The following SSB variants were observed in gnomAD, a reference collection of about 807,000 sequenced individuals.
SSB encodes the protein lupus La protein.
In SSB, 17 loss-of-function variants were observed where a neutral mutation model predicts 52.9. That is an observed-to-expected ratio of 0.32 (90% CI 0.22 to 0.48). The LOEUF (loss-of-function observed/expected upper bound fraction) is 0.48, where lower values mean the gene tolerates loss of function less well. SSB is among the 20% of genes least tolerant of loss of function. SSB has a pLI of 0.99. For synonymous variants in SSB, 111 were observed against 152.1 expected, an observed-to-expected ratio of 0.73 and a Z score of 1.99; for missense variants, 314 against 463.6, an observed-to-expected ratio of 0.68 and a Z score of 2.96.
chr2:169,804,825 T>G (rs200585349), intron 2 of SSB, among the ~76,000 whole-genome samples: 3 of 145,952 alleles, frequency 2.1e-5, no homozygotes, highest in East Asian at 2.0e-4. Context: ...CCTGGCCCCG[T>G]CCCTTATTTT....
chr2:169,809,046 T>C (rs759825119), intron 8 of SSB, 144 bp downstream of exon 8: 40 of 724,580 alleles, frequency 5.5e-5, no homozygotes, highest in Admixed American at 2.3e-4. Flanking sequence ...AGGTATTATA[T>C]TGAGGGAAAA....
Position 169,812,001 on chromosome 2 carries a change from T to A in SSB, c.*245T>A. ...AGATTCTTCCATTAAATTGCCTTTGTAATATGAGAATGTATTAGTACAAAC... is the reference window on the plus strand; with the variant it reads ...AGATTCTTCCATTAAATTGCCTTTGAAATATGAGAATGTATTAGTACAAAC... On this transcript the variant is annotated 3_prime_UTR_variant, in exon 12 of 12. Transcript: ENST00000260956. 1 of 927,818 alleles carries A rather than the reference T, an allele frequency of 1.1e-6. No individual in the cohort carries two copies. Among genetic ancestry groups the A allele is most frequent in the Non-Finnish European group, 1.6e-6 (1 of 615,118 alleles). The allele number at this position is 927,818 out of a possible 1,614,324, so 57.5% of individuals were successfully genotyped here. A position where few individuals can be genotyped will look rare whatever the true frequency, so the allele number is the denominator to read the frequency against.
At chr2:169,807,636 A>G (rs1021058562) in intron 6 of SSB, among the ~76,000 whole-genome samples, 3 of 151,758 alleles carry the variant, frequency 2.0e-5, no homozygotes, top group Non-Finnish European at 4.4e-5. Flanking sequence ...CTGATTTTGC[A>G]TCTAAAACTT....
In SSB at chr2:169,809,788, AT is replaced by A. The variant is rs576115872; in HGVS notation, c.670-486del. Among the ~76,000 whole-genome samples the A allele has an allele frequency of 6.7e-3, 1,004 of 149,472 alleles. 7 individuals carry two copies. Among genetic ancestry groups the A allele is most frequent in the African/African-American group, 0.023 (945 of 40,694 alleles). ...CCACCACGTCCGGCTAATTTTTTGT[AT>A]TTTTTTTTAGCAGAGACGGGGTTTC... is the stretch of plus-strand genomic sequence containing the variant. On this transcript the variant is annotated intron_variant, in intron 8 of 11. Coordinates refer to ENST00000260956, the MANE Select transcript of SSB (RefSeq NM_003142.5).
intron 1 of SSB, among the ~76,000 whole-genome samples, 178 bp from the exon 2 acceptor site, chr2:169,800,774 T>C (rs1291909627): frequency 6.6e-6 from 1 of 152,206 alleles, no homozygotes; most frequent in Non-Finnish European, 1.5e-5. Flanking sequence ...TTTCATCACT[T>C]ATTCCAAAGT....
rs776904587 is a variant in SSB, at chr2:169,805,463, T to C, written c.67-11T>C. 1.9e-6 allele frequency: 3 copies of C among 1,589,130 alleles called. No homozygotes were observed. Among genetic ancestry groups the C allele is most frequent in the Non-Finnish European group, 2.6e-6 (3 of 1,158,902 alleles). ...TACAGTGTTCTGAAATACATTGTAA[T>C]TATCTCACAGTATTATTTTGGCGAC... On this transcript the variant is annotated splice_polypyrimidine_tract_variant and intron_variant, in intron 2 of 11. Coordinates refer to ENST00000260956, the MANE Select transcript of SSB (RefSeq NM_003142.5).
intron 9 of SSB, 127 bp from the exon 10 acceptor site, chr2:169,810,731 G>A (rs1689932837): frequency 3.2e-6 from 3 of 928,750 alleles, no homozygotes; most frequent in Non-Finnish European, 4.8e-6. Flanking sequence ...CTACTGTTCA[G>A]TAAAATTCAT....
chr2:169,800,204 C>T (rs1375626578), intron 1 of SSB, among the ~76,000 whole-genome samples: 1 of 152,078 alleles, frequency 6.6e-6, no homozygotes, highest in Non-Finnish European at 1.5e-5. Context: ...AACTTGGTAA[C>T]AAGGTTTGGG....
At chr2:169,808,796 T>G in intron 7 of SSB, 64 bp from the exon 8 acceptor site, 1 of 1,325,192 alleles carries the variant, frequency 7.5e-7, no homozygotes, top group Non-Finnish European at 1.1e-6. Context: ...TGGTTAACTT[T>G]ATTAGGACTT....
At chr2:169,809,247 G>A (rs1689894721) in intron 8 of SSB, among the ~76,000 whole-genome samples, 1 of 152,178 alleles carries the variant, frequency 6.6e-6, no homozygotes, top group Non-Finnish European at 1.5e-5. Flanking sequence ...CAGGCGTGGT[G>A]GTGCATGCCT....
chr2:169,805,444 G>A, intron 2 of SSB, 30 bp from the exon 3 acceptor site: 1 of 1,516,256 alleles, frequency 6.6e-7, no homozygotes, highest in Non-Finnish European at 9.1e-7. Flanking sequence ...ATTATACAGT[G>A]TTCTGAAATA....
At chr2:169,810,600 C>T (rs985902458) in intron 9 of SSB, 177 bp downstream of exon 9, 1 of 695,560 alleles carries the variant, frequency 1.4e-6, no homozygotes, top group African/African-American at 1.8e-5. Context: ...AAATTAGTTT[C>T]TACTTGATCA....
chr2:169,811,725 A>G lies in SSB; in HGVS notation c.1196A>G (p.Gln399Arg). The G allele has an allele frequency of 6.2e-7, 1 of 1,613,626 alleles. No individual in the cohort carries two copies. Among genetic ancestry groups the G allele is most frequent in the Non-Finnish European group, 8.5e-7 (1 of 1,179,726 alleles). ...AAAGAAGAACCTGCATCCAAACAAC[A>G]GAAAACAGAAAATGGTGCTGGAGAC... ...TDKEEPASKQQKTENGAGDQ is the reference protein window; with the variant it reads ...TDKEEPASKQRKTENGAGDQ The change falls in exon 12 of 12, where the codon CAG becomes CGG. Residue 399 changes from glutamine to arginine, a missense_variant. Transcript: ENST00000260956.
chr2:169,802,532 T>TTAA (rs1689733986), intron 2 of SSB, among the ~76,000 whole-genome samples: 1 of 152,160 alleles, frequency 6.6e-6, no homozygotes, highest in Non-Finnish European at 1.5e-5. Context: ...CATTCTGTGT[T>TTAA]TAATACTTAG....
At chr2:169,810,171 A>G in intron 8 of SSB, 112 bp from the exon 9 acceptor site, 1 of 628,050 alleles carries the variant, frequency 1.6e-6, no homozygotes, top group East Asian at 3.4e-5. Context: ...CTACTTTAAA[A>G]TAGCATTTTG....
chr2:169,805,409 G>C, intron 2 of SSB, 65 bp from the exon 3 acceptor site: 1 of 1,182,138 alleles, frequency 8.5e-7, no homozygotes, highest in Non-Finnish European at 1.2e-6. Flanking sequence ...TGGTACTGTA[G>C]AGTAATGTCA....
At chr2:169,804,430 T>C (rs1689780851) in intron 2 of SSB, among the ~76,000 whole-genome samples, 1 of 151,794 alleles carries the variant, frequency 6.6e-6, no homozygotes, top group Non-Finnish European at 1.5e-5. Flanking sequence ...TATTTATTTT[T>C]TGGAGAGCTG....
intron 7 of SSB, 127 bp from the exon 8 acceptor site, chr2:169,808,733 C>A: frequency 9.7e-7 from 1 of 1,028,040 alleles, no homozygotes; most frequent in Middle Eastern, 3.2e-4. Context: ...ATTGGACGAT[C>A]AAAAAAACCT....
At chr2:169,802,043 G>A (rs1689723208) in intron 2 of SSB, among the ~76,000 whole-genome samples, 1 of 152,078 alleles carries the variant, frequency 6.6e-6, no homozygotes, top group African/African-American at 2.4e-5. Flanking sequence ...AATTAGCTGA[G>A]TGTGTTAGCA....
Sources: allele counts gnomAD v4.1 joint callset (sites outside exome capture counted in the v4.1 genomes callset), GRCh38; gene constraint gnomAD v4.1.1; transcripts MANE v1.5; gene names NCBI Gene and HGNC (gene_info 2026-07-23, HGNC 2026-07-21).